SOS1: variants seen among roughly 807,000 people sequenced by gnomAD.
SOS1 encodes son of sevenless homolog 1.
A neutral mutation model predicts 157.6 loss-of-function variants in SOS1; 25 were observed. The observed-to-expected ratio is 0.16, with a 90% CI of 0.12 to 0.22. SOS1 has a LOEUF of 0.22. Among genes scored for constraint, SOS1 ranks in the 10% least tolerant of loss-of-function variants. SOS1 has a pLI of 1.00. For missense variants in SOS1, 1,237 were observed against 1,599.1 expected (o/e 0.77, Z 3.86); for synonymous variants, 528 against 534.0 (o/e 0.99, Z 0.16).
chr2:39,117,143 C>A (rs1354773984), intron 1 of SOS1, among the ~76,000 whole-genome samples: 1 of 151,858 alleles, frequency 6.6e-6, no homozygotes, highest in Non-Finnish European at 1.5e-5. Context: ...ATTCTCCTGC[C>A]TCAGCCTCCC....
intron 10 of SOS1, among the ~76,000 whole-genome samples, chr2:39,016,503 G>C (rs1669637211): frequency 6.6e-6 from 1 of 152,050 alleles, no homozygotes; most frequent in South Asian, 2.1e-4. Context: ...ATTTTTATCG[G>C]TTTCATCACA....
intron 1 of SOS1, among the ~76,000 whole-genome samples, chr2:39,075,553 C>T (rs921016253): frequency 4.6e-5 from 7 of 150,588 alleles, no homozygotes; most frequent in Admixed American, 4.0e-4. Context: ...CCTATAATCC[C>T]ATCTACTTGG....
In SOS1 at chr2:38,997,428, A is replaced by G. The variant is rs1668930201; in HGVS notation, c.2792-3T>C. ...CAAGATATTAGTGAGATAAATTCCT[A>G]GAAGATATAATGGAATGATTTCAAG... On this transcript the variant is annotated splice_polypyrimidine_tract_variant and splice_region_variant and intron_variant, in intron 17 of 22. Transcript: ENST00000402219. 1 of 1,592,718 alleles carries G rather than the reference A, an allele frequency of 6.3e-7. No individual in the cohort carries two copies.
At position 39,013,074 on chromosome 2, in the gene SOS1, CAT is replaced by C. The variant is rs1307720451; in HGVS notation, c.2167+384_2167+385del. ...GTATCTGATTAGTGGCAGTGTTAGA[CAT>C]AGAGTCTCAATTTAATCCACTCTGC... On this transcript the variant is annotated intron_variant, in intron 13 of 22. Transcript: ENST00000402219. Among the ~76,000 whole-genome samples the C allele has an allele frequency of 2.0e-5, 3 of 152,098 alleles. No individual in the cohort carries two copies. The East Asian group carries it at 5.8e-4, about 29-fold the overall frequency.
chr2:38,999,800 T>C (rs1352253129), intron 17 of SOS1, among the ~76,000 whole-genome samples: 2 of 152,212 alleles, frequency 1.3e-5, no homozygotes, highest in East Asian at 3.8e-4. Flanking sequence ...TTTGTGGGTA[T>C]TAGCACTTGG....
chr2:39,109,300 C>A lies in SOS1; in HGVS notation c.87+11036G>T, dbSNP rs142468299. Among the ~76,000 whole-genome samples the A allele has an allele frequency of 3.6e-4, 55 of 152,314 alleles. No individual in the cohort carries two copies. In the East Asian group the frequency reaches 9.6e-3, roughly 27 times the overall value. On this transcript the variant is annotated intron_variant, in intron 1 of 22. Coordinates refer to ENST00000402219, the MANE Select transcript of SOS1 (RefSeq NM_005633.4). ...ACAGTCTCCTAGCTTCTCATTGCCACCTAAAGACCATTAATCTCAGCCAGT... is the reference window on the plus strand; with the variant it reads ...ACAGTCTCCTAGCTTCTCATTGCCAACTAAAGACCATTAATCTCAGCCAGT...
In SOS1 at chr2:39,028,859, A is replaced by C. The variant is rs1670062889; in HGVS notation, c.1075-4722T>G. Among the ~76,000 whole-genome samples the C allele has an allele frequency of 2.0e-5, 3 of 152,350 alleles. No individual in the cohort carries two copies. In the South Asian group the frequency reaches 6.2e-4, roughly 32 times the overall value. On this transcript the variant is annotated intron_variant, in intron 8 of 22. Coordinates refer to ENST00000402219, the MANE Select transcript of SOS1 (RefSeq NM_005633.4). ...GAACACAAGCAAAGATTAGGTTCAC[A>C]TTTCGATTTTGGAATGTTATTTGCA...
intron 6 of SOS1, among the ~76,000 whole-genome samples, chr2:39,042,686 A>C (rs1213953103): frequency 1.3e-5 from 2 of 148,868 alleles, no homozygotes; most frequent in South Asian, 4.2e-4. Context: ...TACAGGAGTA[A>C]GCCACTGTGC....
chr2:39,056,635 G>A (rs1671223590), intron 4 of SOS1, 67 bp downstream of exon 4: 2 of 961,974 alleles, frequency 2.1e-6, no homozygotes, highest in Non-Finnish European at 3.4e-6. Flanking sequence ...TATATGAATA[G>A]TACGTTAGCA....
intron 8 of SOS1, among the ~76,000 whole-genome samples, chr2:39,030,549 G>A (rs1305565626): frequency 6.6e-6 from 1 of 152,166 alleles, no homozygotes; most frequent in African/African-American, 2.4e-5. Flanking sequence ...CAGCCTGGGT[G>A]ACAGAGCGAG....
chr2:39,017,264 C>T (rs1240703823), intron 10 of SOS1, among the ~76,000 whole-genome samples: 1 of 151,950 alleles, frequency 6.6e-6, no homozygotes, highest in Non-Finnish European at 1.5e-5. Context: ...CTTAAAGTTT[C>T]CACAGCTGTG....
intron 6 of SOS1, among the ~76,000 whole-genome samples, chr2:39,041,601 A>G (rs1670573870): frequency 6.6e-6 from 1 of 152,186 alleles, no homozygotes; most frequent in Admixed American, 6.5e-5. Flanking sequence ...TCCTTTGCCA[A>G]ATTGAAGATT....
intron 1 of SOS1, among the ~76,000 whole-genome samples, chr2:39,111,569 A>C (rs1226248891): frequency 6.6e-6 from 1 of 152,110 alleles, no homozygotes; most frequent in Non-Finnish European, 1.5e-5. Flanking sequence ...TACTGCTGTT[A>C]CTTCTGGACC....
intron 1 of SOS1, among the ~76,000 whole-genome samples, chr2:39,088,769 G>GTGC (rs1339855821): frequency 6.6e-6 from 1 of 152,058 alleles, no homozygotes; most frequent in Non-Finnish European, 1.5e-5. Context: ...ATTGTGAAAA[G>GTGC]TGCTGCCTAT....
chr2:39,099,965 C>T (rs191619873), intron 1 of SOS1, among the ~76,000 whole-genome samples: 13 of 152,288 alleles, frequency 8.5e-5, no homozygotes, highest in African/African-American at 3.1e-4. Context: ...GATCCACCTG[C>T]CTCGCCCTCC....
intron 5 of SOS1, among the ~76,000 whole-genome samples, chr2:39,051,747 T>C (rs935689706): frequency 6.6e-6 from 1 of 152,172 alleles, no homozygotes; most frequent in Non-Finnish European, 1.5e-5. Context: ...AGAATGGCAA[T>C]GTTTTACATT....
At chr2:38,986,409 T>C in intron 22 of SOS1, 94 bp from the exon 23 acceptor site, 1 of 1,180,476 alleles carries the variant, frequency 8.5e-7, no homozygotes, top group Non-Finnish European at 1.2e-6. Context: ...AACATGCTAT[T>C]GGCAGGATGC....
intron 15 of SOS1, among the ~76,000 whole-genome samples, chr2:39,007,653 C>T (rs996872075): frequency 2.0e-5 from 3 of 152,092 alleles, no homozygotes; most frequent in Non-Finnish European, 4.4e-5. Context: ...AGCTCTGTTC[C>T]TATGTTTCCT....
At chr2:39,108,758 T>G (rs1364882158) in intron 1 of SOS1, among the ~76,000 whole-genome samples, 2 of 152,028 alleles carry the variant, frequency 1.3e-5, no homozygotes, top group Non-Finnish European at 2.9e-5. Context: ...CCAGGAGTGG[T>G]GGTACACACC....
Sources: gnomAD v4.1 joint callset for allele counts (sites outside exome capture counted in the v4.1 genomes callset) on GRCh38, gnomAD v4.1.1 for gene constraint, MANE v1.5 for transcripts, NCBI Gene and HGNC (gene_info 2026-07-23, HGNC 2026-07-21) for gene names.